Variants in PHF21B observed in about 807,000 individuals in gnomAD.
PHF21B encodes PHD finger protein 4.
Under a neutral mutation model 62.2 loss-of-function variants are expected in PHF21B, and 22 were observed. The observed-to-expected ratio is 0.35, with a 90% CI of 0.25 to 0.51. The LOEUF is 0.51. Ranked by LOEUF, PHF21B falls within the 20% of genes least tolerant of loss-of-function variation. PHF21B has a pLI of 0.97. For missense variants in PHF21B, 701 were observed against 707.9 expected (o/e 0.99, Z 0.11); for synonymous variants, 341 against 314.7 (o/e 1.08, Z -0.88).
intron 5 of PHF21B, among the ~76,000 whole-genome samples, chr22:44,900,129 G>GA (rs2071131547): frequency 6.6e-6 from 1 of 151,994 alleles, no homozygotes; most frequent in Admixed American, 6.6e-5. Context: ...TTACTTACAT[G>GA]AATCTTTTAT....
chr22:44,942,537 C>T (rs2147367374), intron 2 of PHF21B, among the ~76,000 whole-genome samples: 1 of 152,318 alleles, frequency 6.6e-6, no homozygotes, highest in South Asian at 2.1e-4. Flanking sequence ...GTGGAGGAAG[C>T]CAGTCCAGCC....
At chr22:44,963,747 G>A (rs552100667) in intron 2 of PHF21B, among the ~76,000 whole-genome samples, 1 of 152,320 alleles carries the variant, frequency 6.6e-6, no homozygotes, top group African/African-American at 2.4e-5. Flanking sequence ...GCAGAGTCAG[G>A]TGACATCTGA....
chr22:44,951,925 G>A (rs1388395591), intron 2 of PHF21B, among the ~76,000 whole-genome samples: 4 of 152,156 alleles, frequency 2.6e-5, no homozygotes, highest in African/African-American at 9.7e-5. Flanking sequence ...GGAAAGAGGT[G>A]GTGAACAAGA....
rs2073384776 is a variant in PHF21B at position 45,009,425 on chromosome 22, G to A, written c.54+71C>T. On this transcript the variant is annotated intron_variant, in intron 1 of 12. Coordinates refer to ENST00000313237, the MANE Select transcript of PHF21B (RefSeq NM_138415.5). The surrounding 1 kb of genome is among the most constrained non-coding windows in gnomAD (Gnocchi z 5.9). Reference sequence around the variant, plus strand: ...CAGAGACCCGGAAGAGAGGATGCTGGGCTCGGGTCCCCCGACCCCCTCACC... The same window carrying A: ...CAGAGACCCGGAAGAGAGGATGCTGAGCTCGGGTCCCCCGACCCCCTCACC... The A allele has an allele frequency of 1.3e-5, 19 of 1,424,384 alleles. No individual in the cohort carries two copies. The highest frequency in any genetic ancestry group is 1.8e-5 in the Non-Finnish European group (19 of 1,069,174). The allele number at this position is 1,424,384 out of a possible 1,614,324, so 88.2% of individuals were successfully genotyped here.
Position 44,904,828 on chromosome 22 carries a change from T to C in PHF21B, c.832-8745A>G, listed in dbSNP as rs1210514622. On this transcript the variant is annotated intron_variant, in intron 5 of 12. Transcript: ENST00000313237. ...TCTTGAAGTGCAAAAGGAAAGGGAG[T>C]ATCTGAGCTAGTCTTAGCTTAGACA... 3.2e-5 allele frequency among the ~76,000 whole-genome samples: 3 copies of C among 93,016 alleles called. 1 individual carries two copies. Among genetic ancestry groups the C allele is most frequent in the Non-Finnish European group, 6.6e-5 (3 of 45,408 alleles). 61.0% of individuals were successfully genotyped at this position (93,016 alleles called of 152,430 possible). A position where few individuals can be genotyped will look rare whatever the true frequency, so the allele number is the denominator to read the frequency against.
At chr22:44,928,806 C>A (rs1395271452) in intron 2 of PHF21B, among the ~76,000 whole-genome samples, 1 of 152,204 alleles carries the variant, frequency 6.6e-6, no homozygotes, top group Non-Finnish European at 1.5e-5. Flanking sequence ...CCCATGGAGA[C>A]CCTCACTGGA....
At position 44,883,252 on chromosome 22, in the gene PHF21B, G is replaced by A. The variant is rs1379449359; in HGVS notation, c.1430C>T (p.Ser477Leu). ...GAGGGCCCGCAGGCGGTCCAGGGAT[G>A]ACTGGGTGCCCCTCTGGCGGGCCAG... Reference protein sequence around the residue: ...SLLARQRGTQSSLDRLRALLR... With the variant: ...SLLARQRGTQLSLDRLRALLR... Residue 477 changes from serine (S) to leucine (L), a missense_variant, in exon 13 of 13, where the codon TCA (serine) becomes TTA (leucine). Coordinates refer to ENST00000313237, the MANE Select transcript of PHF21B (RefSeq NM_138415.5). 6.2e-7 allele frequency: 1 copy of A among 1,613,918 alleles called. No individual in the cohort carries two copies. Among genetic ancestry groups the A allele is most frequent in the East Asian group, 2.2e-5 (1 of 44,866 alleles).
intron 10 of PHF21B, among the ~76,000 whole-genome samples, chr22:44,887,235 T>G (rs921280821): frequency 6.6e-5 from 10 of 151,332 alleles, no homozygotes; most frequent in Non-Finnish European, 1.2e-4. Flanking sequence ...GAAGGCACAC[T>G]TGAAGCCAAG....
intron 2 of PHF21B, among the ~76,000 whole-genome samples, chr22:44,929,902 G>A (rs1008784138): frequency 1.3e-5 from 2 of 152,214 alleles, no homozygotes; most frequent in African/African-American, 2.4e-5. Flanking sequence ...AAGATGAGGT[G>A]AGGCAGCGAG....
intron 2 of PHF21B, among the ~76,000 whole-genome samples, chr22:44,964,162 C>G (rs2072478332): frequency 6.6e-6 from 1 of 152,240 alleles, no homozygotes; most frequent in Non-Finnish European, 1.5e-5. Flanking sequence ...TGTGCTGCCA[C>G]TAGACAGTGA....
intron 2 of PHF21B, among the ~76,000 whole-genome samples, chr22:44,993,787 TC>T (rs2147510916): frequency 6.6e-6 from 1 of 152,326 alleles, no homozygotes; most frequent in East Asian, 1.9e-4. Flanking sequence ...TCTAAAGCAA[TC>T]TTTCCTCGCC....
chr22:44,895,467 T>C (rs1273552693), intron 6 of PHF21B, among the ~76,000 whole-genome samples: 1 of 152,174 alleles, frequency 6.6e-6, no homozygotes, highest in African/African-American at 2.4e-5. Flanking sequence ...ACACATTTGG[T>C]GGCACACATG....
chr22:44,998,166 C>T (rs768495760), intron 2 of PHF21B, among the ~76,000 whole-genome samples: 12 of 152,224 alleles, frequency 7.9e-5, no homozygotes, highest in Non-Finnish European at 1.8e-4. Flanking sequence ...AGCTGCCTGT[C>T]TCTTACTTGT....
chr22:44,887,587 T>A (rs1192255352), intron 10 of PHF21B, among the ~76,000 whole-genome samples: 1 of 151,458 alleles, frequency 6.6e-6, no homozygotes, highest in Non-Finnish European at 1.5e-5. Context: ...AAACCCCCCA[T>A]CTACTAAAAA....
intron 2 of PHF21B, among the ~76,000 whole-genome samples, chr22:45,004,714 G>C (rs1484261532): frequency 2.0e-5 from 3 of 152,234 alleles, no homozygotes; most frequent in Non-Finnish European, 4.4e-5. Context: ...GCTTCATTCA[G>C]TGGCTGCTTC....
intron 2 of PHF21B, among the ~76,000 whole-genome samples, chr22:44,957,556 C>T (rs1314142900): frequency 6.6e-6 from 1 of 152,152 alleles, no homozygotes; most frequent in East Asian, 1.9e-4. Flanking sequence ...CTTTCTTCTA[C>T]CGCTGCTTTT....
intron 7 of PHF21B, among the ~76,000 whole-genome samples, chr22:44,892,726 G>A (rs2070988038): frequency 6.6e-6 from 1 of 152,192 alleles, no homozygotes; most frequent in African/African-American, 2.4e-5. Context: ...TGAGCTAATG[G>A]TCCCAACAGA....
intron 5 of PHF21B, among the ~76,000 whole-genome samples, chr22:44,910,898 G>A (rs1344125597): frequency 6.6e-6 from 1 of 152,170 alleles, no homozygotes; most frequent in Non-Finnish European, 1.5e-5. Flanking sequence ...AGAAAAATAT[G>A]GAAAAGTTCA....
At chr22:44,970,778 AG>A (rs2072622144) in intron 2 of PHF21B, among the ~76,000 whole-genome samples, 1 of 152,144 alleles carries the variant, frequency 6.6e-6, no homozygotes, top group Non-Finnish European at 1.5e-5. Context: ...AGCTCTTTGG[AG>A]ACTATACAGC....
Sources: gnomAD v4.1 joint callset for allele counts (sites outside exome capture counted in the v4.1 genomes callset) on GRCh38, gnomAD v4.1.1 for gene constraint, Gnocchi (gnomAD v3.1) non-coding constraint, MANE v1.5 for transcripts, NCBI Gene and HGNC (gene_info 2026-07-23, HGNC 2026-07-21) for gene names.